The following OXR1 variants were observed in gnomAD, a reference collection of about 807,000 sequenced individuals.
OXR1 encodes oxidation resistance protein 1.
OXR1 carries 41 observed loss-of-function variants against 104.6 expected under a neutral mutation model. The observed-to-expected ratio is 0.39, with a 90% CI of 0.31 to 0.51. The LOEUF (loss-of-function observed/expected upper bound fraction) is 0.51, where lower values mean the gene tolerates loss of function less well. Ranked by LOEUF, OXR1 falls within the 20% of genes least tolerant of loss-of-function variation. The pLI, the probability that OXR1 is intolerant of heterozygous loss-of-function variation, is 0.77. For missense variants in OXR1, 955 were observed against 1,031.9 expected, an observed-to-expected ratio of 0.93 and a Z score of 1.02; for synonymous variants, 348 against 348.4, an observed-to-expected ratio of 1.00 and a Z score of 0.01.
intron 1 of OXR1, among the ~76,000 whole-genome samples, chr8:106,305,079 G>A (rs916888360): frequency 2.0e-5 from 3 of 152,020 alleles, no homozygotes; most frequent in Non-Finnish European, 4.4e-5. Flanking sequence ...TTGTGATTTT[G>A]CTTTCCAAAT....
At chr8:106,742,179 A>C in intron 14 of OXR1, 43 bp from the exon 15 acceptor site, 1 of 1,063,034 alleles carries the variant, frequency 9.4e-7, no homozygotes, top group Non-Finnish European at 1.5e-6. Flanking sequence ...TACTGGAATA[A>C]ATTTGTTAGT....
At chr8:106,297,129 G>A (rs1246387320) in intron 1 of OXR1, among the ~76,000 whole-genome samples, 3 of 152,100 alleles carry the variant, frequency 2.0e-5, no homozygotes, top group Non-Finnish European at 2.9e-5. Flanking sequence ...ACAGTAATCT[G>A]TATATAGCAA....
chr8:106,563,807 A>C (rs1325069235), intron 3 of OXR1, among the ~76,000 whole-genome samples: 2 of 152,224 alleles, frequency 1.3e-5, no homozygotes, highest in Non-Finnish European at 2.9e-5. Flanking sequence ...CCACAGTGCA[A>C]TCAAATTAGA....
At chr8:106,283,120 G>A (rs1812357392) in intron 1 of OXR1, among the ~76,000 whole-genome samples, 1 of 152,152 alleles carries the variant, frequency 6.6e-6, no homozygotes, top group Non-Finnish European at 1.5e-5. Context: ...TCTGCCAGAT[G>A]TCAGCTATGC....
chr8:106,721,719 AAT>A, intron 11 of OXR1, among the ~76,000 whole-genome samples: 1 of 152,200 alleles, frequency 6.6e-6, no homozygotes, highest in East Asian at 1.9e-4. Flanking sequence ...TATTATTCAA[AAT>A]ATGTTAGAAT....
At chr8:106,312,220 ACAAT>A (rs1813734983) in intron 1 of OXR1, among the ~76,000 whole-genome samples, 1 of 152,234 alleles carries the variant, frequency 6.6e-6, no homozygotes, top group Non-Finnish European at 1.5e-5. Context: ...GCAGTAGTTA[ACAAT>A]CATAGTACCA....
At chr8:106,385,967 C>G (rs1817354198) in intron 2 of OXR1, among the ~76,000 whole-genome samples, 1 of 152,040 alleles carries the variant, frequency 6.6e-6, no homozygotes, top group African/African-American at 2.4e-5. Flanking sequence ...GACGTCTAAG[C>G]CTTGGAATGT....
intron 2 of OXR1, among the ~76,000 whole-genome samples, chr8:106,461,007 C>G (rs1437350061): frequency 6.6e-6 from 1 of 151,838 alleles, no homozygotes; most frequent in Non-Finnish European, 1.5e-5. Context: ...AAGAGCTGAA[C>G]AAGCAGATGT....
chr8:106,397,196 G>C (rs1006131885), intron 2 of OXR1, among the ~76,000 whole-genome samples: 3 of 151,976 alleles, frequency 2.0e-5, no homozygotes, highest in African/African-American at 7.2e-5. Flanking sequence ...TTAAGTTTTG[G>C]TACTTGTGCA....
chr8:106,737,469 T>TTTTTTTTTTTTTTA, intron 11 of OXR1, 51 bp from the exon 12 acceptor site: 1 of 287,526 alleles, frequency 3.5e-6, no homozygotes, highest in Non-Finnish European at 6.3e-6. Flanking sequence ...TTTTTTTTGC[T>TTTTTTTTTTTTTTA]GTTTTTCTCA....
At chr8:106,273,058 G>A (rs762776474) in intron 1 of OXR1, among the ~76,000 whole-genome samples, 1 of 152,236 alleles carries the variant, frequency 6.6e-6, no homozygotes, top group South Asian at 2.1e-4. Context: ...TGTGAGATGA[G>A]AGAATCTTTT....
rs570862948 is a variant in OXR1 at position 106,465,803 on chromosome 8, C to T, written c.24-53140C>T. On this transcript the variant is annotated intron_variant, in intron 2 of 16. Coordinates refer to ENST00000517566, the MANE Select transcript of OXR1 (RefSeq NM_001198533.2). ...ATATCACTAGATTTAGAGTGGATAA[C>T]TTCACCAATTTGAACATAATGGCAG... Among the ~76,000 whole-genome samples, 113 of 152,068 alleles carry T rather than the reference C, an allele frequency of 7.4e-4. 1 individual carries two copies. Among genetic ancestry groups the T allele is most frequent in the African/African-American group, 2.5e-3 (105 of 41,530 alleles).
At chr8:106,681,491 A>G (rs1828145939) in intron 4 of OXR1, among the ~76,000 whole-genome samples, 1 of 152,158 alleles carries the variant, frequency 6.6e-6, no homozygotes, top group African/African-American at 2.4e-5. Flanking sequence ...GAAATCTTCT[A>G]TAACCTAATT....
intron 1 of OXR1, among the ~76,000 whole-genome samples, chr8:106,333,539 CA>C (rs934486007): frequency 6.6e-6 from 1 of 151,946 alleles, no homozygotes; most frequent in African/African-American, 2.4e-5. Context: ...GCTGTCTTAT[CA>C]AAAAATATTT....
At chr8:106,654,486 G>T (rs932481857) in intron 3 of OXR1, among the ~76,000 whole-genome samples, 5 of 152,012 alleles carry the variant, frequency 3.3e-5, no homozygotes, top group African/African-American at 1.2e-4. Flanking sequence ...ACACATAAAA[G>T]AATGAATTTG....
intron 2 of OXR1, among the ~76,000 whole-genome samples, chr8:106,364,619 ATT>A (rs11286423): frequency 1.2e-4 from 18 of 152,156 alleles, no homozygotes; most frequent in African/African-American, 3.9e-4. Flanking sequence ...AAAAGTAATA[ATT>A]TTTTTTTAGA....
chr8:106,426,109 T>A (rs946733651), intron 2 of OXR1, among the ~76,000 whole-genome samples: 3 of 152,162 alleles, frequency 2.0e-5, no homozygotes, highest in African/African-American at 7.2e-5. Context: ...GACTCCTGCT[T>A]ACTGTCTATG....
intron 1 of OXR1, among the ~76,000 whole-genome samples, chr8:106,338,608 T>A (rs1160284236): frequency 6.6e-6 from 1 of 152,006 alleles, no homozygotes; most frequent in Non-Finnish European, 1.5e-5. Flanking sequence ...AATCCATTTT[T>A]TCCTTATTCC....
At chr8:106,702,863 A>G in intron 7 of OXR1, 43 bp from the exon 8 acceptor site, 3 of 1,468,210 alleles carry the variant, frequency 2.0e-6, no homozygotes, top group Non-Finnish European at 2.8e-6. Context: ...TTTTTGAAGT[A>G]TCAACCTTGA....
Sources: gnomAD v4.1 joint callset for allele counts (sites outside exome capture counted in the v4.1 genomes callset) on GRCh38, gnomAD v4.1.1 for gene constraint, MANE v1.5 for transcripts, NCBI Gene and HGNC (gene_info 2026-07-23, HGNC 2026-07-21) for gene names.